PFKP: variants seen among roughly 807,000 people sequenced by gnomAD.
The protein encoded by PFKP is phosphofructokinase, platelet.
Under a neutral mutation model 94.3 loss-of-function variants are expected in PFKP, and 101 were observed. The ratio of observed to expected loss-of-function variants is 1.07; its 90% confidence interval spans 0.91 to 1.26. PFKP has a LOEUF of 1.26. PFKP is among the 50% of genes most tolerant of loss of function. PFKP has a pLI of 0.00. For synonymous variants in PFKP, 573 were observed against 432.6 expected (o/e 1.32, Z -4.03); for missense variants, 1,145 against 1,103.3 (o/e 1.04, Z -0.53).
chr10:3,089,180 C>T (rs1833857839), intron 2 of PFKP, among the ~76,000 whole-genome samples: 1 of 152,274 alleles, frequency 6.6e-6, no homozygotes, highest in East Asian at 1.9e-4. Flanking sequence ...TGATCCTGCC[C>T]TCCTGGGCCT....
intron 3 of PFKP, 128 bp downstream of exon 3, chr10:3,099,480 A>G: frequency 1.4e-6 from 1 of 731,218 alleles, no homozygotes; most frequent in Admixed American, 2.2e-5. Context: ...AGACTTTGTG[A>G]GCAGCTCTTT....
At chr10:3,082,868 C>T (rs1465367935) in intron 2 of PFKP, among the ~76,000 whole-genome samples, 2 of 152,180 alleles carry the variant, frequency 1.3e-5, no homozygotes, top group East Asian at 3.9e-4. Flanking sequence ...CCCACCACCA[C>T]ACCCAGCTAA....
rs147353237 is a variant in PFKP at position 3,119,936 on chromosome 10, C to T, written c.1575C>T (p.His525=). The change falls in exon 16 of 22, where the codon CAC becomes CAT. Residue 525 remains histidine, a synonymous_variant. Transcript: ENST00000381125. The stretch of plus-strand genomic sequence containing the variant: ...AGCTGTCAGCCGCCCGGGAGAAGCA[C>T]GAGGAGTTCTGTGTCCCCATGGTCA... ...LLELSAAREK[H]EEFCVPMVMV... The T allele has an allele frequency of 1.1e-5, 17 of 1,614,104 alleles. No individual in the cohort carries two copies. Among genetic ancestry groups the T allele is most frequent in the South Asian group, 5.5e-5 (5 of 91,076 alleles).
At chr10:3,133,398 G>C (rs1838833636) in intron 19 of PFKP, 84 bp downstream of exon 19, 3 of 885,410 alleles carry the variant, frequency 3.4e-6, no homozygotes, top group South Asian at 1.3e-5. Flanking sequence ...GCCATTGTGG[G>C]GAAAAATGTA....
chr10:3,104,326 C>G (rs545303717), intron 5 of PFKP, among the ~76,000 whole-genome samples: 1 of 152,200 alleles, frequency 6.6e-6, no homozygotes, highest in Non-Finnish European at 1.5e-5. Flanking sequence ...TACGGATTCA[C>G]GAAGTGTCGT....
intron 14 of PFKP, among the ~76,000 whole-genome samples, chr10:3,117,574 AC>A: frequency 6.6e-6 from 1 of 152,278 alleles, no homozygotes; most frequent in African/African-American, 2.4e-5. Context: ...TACAGCCAGG[AC>A]CCTGGTACTC....
chr10:3,069,437 C>A, intron 1 of PFKP: 1 of 1,540,006 alleles, frequency 6.5e-7, no homozygotes, highest in East Asian at 2.4e-5. Flanking sequence ...AGAGTGGCTT[C>A]TCAGTCAAAG....
In PFKP at chr10:3,111,008, G is replaced by A. The variant is rs1437189402; in HGVS notation, c.1090-1214G>A. ...CATGTGTACATTTGAGTGTGAGGTA[G>A]TATGTTTCTGCATGTTAGTGTGTGC... On this transcript the variant is annotated intron_variant, in intron 10 of 21. Transcript: ENST00000381125. Among the ~76,000 whole-genome samples, 6 of 151,674 alleles carry A rather than the reference G, an allele frequency of 4.0e-5. No individual in the cohort carries two copies. In the East Asian group the frequency reaches 1.2e-3, roughly 29 times the overall value.
intron 1 of PFKP, among the ~76,000 whole-genome samples, chr10:3,073,089 T>A (rs939278506): frequency 1.4e-4 from 21 of 151,990 alleles, no homozygotes; most frequent in Middle Eastern, 3.4e-3. Flanking sequence ...TTACAGTCAT[T>A]GTGCTTGTCA....
chr10:3,107,674 C>A (rs1344631659), intron 8 of PFKP: 17 of 921,182 alleles, frequency 1.8e-5, no homozygotes, highest in Non-Finnish European at 2.2e-5. Context: ...CTTCTGTTTG[C>A]CACAGTGGGA....
intron 2 of PFKP, among the ~76,000 whole-genome samples, chr10:3,082,751 C>T (rs111472713): frequency 5.9e-5 from 9 of 152,150 alleles, no homozygotes; most frequent in Non-Finnish European, 1.3e-4. Context: ...GACAGTCTTG[C>T]TCTGTTGTCC....
intron 16 of PFKP, among the ~76,000 whole-genome samples, chr10:3,121,100 G>A (rs568023265): frequency 6.6e-6 from 1 of 152,316 alleles, no homozygotes; most frequent in African/African-American, 2.4e-5. Context: ...CATATGGTAA[G>A]TAATGCTTAG....
At chr10:3,079,482 C>G (rs1832858320) in intron 1 of PFKP, among the ~76,000 whole-genome samples, 1 of 152,084 alleles carries the variant, frequency 6.6e-6, no homozygotes, top group South Asian at 2.1e-4. Flanking sequence ...GATCTGCCCA[C>G]CTAGGCCTCC....
intron 16 of PFKP, chr10:3,124,966 T>C: frequency 1.4e-6 from 1 of 699,446 alleles, no homozygotes; most frequent in Non-Finnish European, 1.9e-6. Flanking sequence ...CCTCGGCCCC[T>C]TGACCCGCAT....
chr10:3,081,780 A>AAT (rs76495978), intron 1 of PFKP, among the ~76,000 whole-genome samples: 6 of 1,440 alleles, frequency 4.2e-3, no homozygotes. Context: ...TTGTAAATAG[A>AAT]CATGATACAT....
At chr10:3,081,032 T>C (rs1178087083) in intron 1 of PFKP, among the ~76,000 whole-genome samples, 1 of 152,240 alleles carries the variant, frequency 6.6e-6, no homozygotes, top group African/African-American at 2.4e-5. Flanking sequence ...CAGTAGGTCA[T>C]TCGAATTCTT....
chr10:3,134,589 G>A lies in PFKP; in HGVS notation c.2122+7G>A, dbSNP rs765899720. On this transcript the variant is annotated splice_region_variant and intron_variant, in intron 20 of 21. Transcript: ENST00000381125. The stretch of plus-strand genomic sequence containing the variant: ...AAGGAGGCCCGGGGCAGAGGTAAGG[G>A]GTCTGGGGAGGGAGGCCACAGCCTC... The A allele has an allele frequency of 1.9e-6, 3 of 1,583,894 alleles. No homozygotes were observed. The highest frequency in any genetic ancestry group is 2.2e-5 in the South Asian group (2 of 90,494).
chr10:3,117,777 G>T (rs1167319368), intron 14 of PFKP, among the ~76,000 whole-genome samples: 1 of 152,190 alleles, frequency 6.6e-6, no homozygotes, highest in Non-Finnish European at 1.5e-5. Flanking sequence ...GCTTGATAGG[G>T]CCAGGGCGTT....
chr10:3,077,261 CTTTTTT>C (rs34485324), intron 1 of PFKP, among the ~76,000 whole-genome samples: 1 of 84,238 alleles, frequency 1.2e-5, no homozygotes, highest in Admixed American at 1.7e-4. Context: ...TTTTTTTTTT[CTTTTTT>C]TTTTTTTTTT....
Sources: gnomAD v4.1 joint callset for allele counts (sites outside exome capture counted in the v4.1 genomes callset) on GRCh38, gnomAD v4.1.1 for gene constraint, MANE v1.5 for transcripts, NCBI Gene and HGNC (gene_info 2026-07-23, HGNC 2026-07-21) for gene names.